Variants in OPCML observed in about 807,000 individuals in gnomAD.
OPCML encodes opioid binding protein/cell adhesion molecule like, also known as opioid-binding protein/cell adhesion molecule.
In OPCML, 13 loss-of-function variants were observed where a neutral mutation model predicts 37.8. The ratio of observed to expected loss-of-function variants is 0.34; its 90% CI spans 0.22 to 0.55. The LOEUF (loss-of-function observed/expected upper bound fraction) is 0.55. Among genes scored for constraint, OPCML ranks in the 20% least tolerant of loss-of-function variants. The probability of loss-of-function intolerance (pLI) is 0.91; values close to 1 mark genes in which losing one functional copy is unlikely to be tolerated. For synonymous variants in OPCML, 176 were observed against 168.8 expected (o/e 1.04, Z -0.33); for missense variants, 341 against 435.6 (o/e 0.78, Z 1.93).
chr11:133,252,846 C>A (rs945086750), intron 1 of OPCML, among the ~76,000 whole-genome samples: 1 of 152,134 alleles, frequency 6.6e-6, no homozygotes, highest in Non-Finnish European at 1.5e-5. Context: ...CCAGGTTCTA[C>A]TATAGAAATA....
chr11:132,650,096 T>A lies in OPCML; in HGVS notation c.379+6991A>T, dbSNP rs538352811. On this transcript the variant is annotated intron_variant, in intron 3 of 7. Transcript: ENST00000524381. ...TCCGCTTGACGTGGGTTGTGGAGGT[T>A]ACAAATGTTAGAGAAGAACTTGGAA... is the stretch of plus-strand genomic sequence containing the variant. Among the ~76,000 whole-genome samples the A allele has an allele frequency of 4.9e-4, 74 of 152,260 alleles. No homozygotes were observed. In the South Asian group the frequency reaches 0.015, roughly 32 times the overall value.
intron 1 of OPCML, among the ~76,000 whole-genome samples, chr11:133,350,353 A>T (rs1401860652): frequency 6.6e-6 from 1 of 152,202 alleles, no homozygotes; most frequent in African/African-American, 2.4e-5. Flanking sequence ...TCAACCATGT[A>T]TTTCAAGAAA....
chr11:133,113,894 T>C (rs7126139), intron 1 of OPCML, among the ~76,000 whole-genome samples: 4,081 of 152,288 alleles, frequency 0.027, 178 homozygotes, highest in African/African-American at 0.09. Context: ...GCATCGTCTC[T>C]TCCTGAGAGA....
At chr11:133,305,629 A>G (rs1592185163) in intron 1 of OPCML, among the ~76,000 whole-genome samples, 1 of 152,290 alleles carries the variant, frequency 6.6e-6, no homozygotes, top group South Asian at 2.1e-4. Context: ...TTCCTGATGT[A>G]TAGATTTACA....
At chr11:133,443,383 C>T (rs1387472016) in intron 1 of OPCML, among the ~76,000 whole-genome samples, 1 of 152,232 alleles carries the variant, frequency 6.6e-6, no homozygotes, top group East Asian at 1.9e-4. Flanking sequence ...GATTCCTTCT[C>T]ATTTTACCAA....
intron 3 of OPCML, among the ~76,000 whole-genome samples, chr11:132,635,172 C>T (rs1565731386): frequency 6.6e-6 from 1 of 152,168 alleles, no homozygotes; most frequent in East Asian, 1.9e-4. Flanking sequence ...GTCTTTCTCC[C>T]CTTAAAAATC....
chr11:132,965,364 CG>C lies in OPCML; in HGVS notation c.62-22355del, dbSNP rs1013704151. Among the ~76,000 whole-genome samples, 13 of 152,042 alleles carry C rather than the reference CG, an allele frequency of 8.6e-5. No homozygotes were observed. In the East Asian group the frequency reaches 1.2e-3, roughly 14 times the overall value. On this transcript the variant is annotated intron_variant, in intron 1 of 7. Transcript: ENST00000524381. ...CATTTGGTCTTAGGCTGTTTTGTGT[CG>C]GGGGGAGATGTTTAAATTACTAATT...
At chr11:133,024,243 G>A in intron 1 of OPCML, 5 of 581,282 alleles carry the variant, frequency 8.6e-6, no homozygotes, top group Non-Finnish European at 8.7e-6. Flanking sequence ...GGTTGGTGGG[G>A]GGCTGGGGTG....
At chr11:132,489,475 T>C (rs2096209422) in intron 4 of OPCML, among the ~76,000 whole-genome samples, 1 of 152,236 alleles carries the variant, frequency 6.6e-6, no homozygotes, top group Non-Finnish European at 1.5e-5. Context: ...TATTTTCTGC[T>C]GTATGTAATT....
chr11:132,835,829 A>G (rs1324459016), intron 2 of OPCML, among the ~76,000 whole-genome samples: 1 of 152,080 alleles, frequency 6.6e-6, no homozygotes. Context: ...ACCACTGTAG[A>G]CTAAATATCT....
rs75576093 is a variant in OPCML at position 133,146,828 on chromosome 11, A to G, written c.62-203818T>C. On this transcript the variant is annotated intron_variant, in intron 1 of 7. Transcript: ENST00000524381. ...CTCCCCCCAGCACAGGCCCAGTAAC[A>G]TGACAGGGCTAGAGCCCATGTTCAC... 6.8e-3 allele frequency among the ~76,000 whole-genome samples: 1,035 copies of G among 152,312 alleles called. 10 individuals carry two copies. The highest frequency in any genetic ancestry group is 0.024 in the African/African-American group (990 of 41,550).
chr11:132,576,797 C>A (rs1161452396), intron 3 of OPCML, among the ~76,000 whole-genome samples: 1 of 152,164 alleles, frequency 6.6e-6, no homozygotes, highest in African/African-American at 2.4e-5. Flanking sequence ...ATTCTACTAA[C>A]TCTTTCCCTC....
chr11:132,619,788 C>T (rs1330075363), intron 3 of OPCML, among the ~76,000 whole-genome samples: 2 of 145,540 alleles, frequency 1.4e-5, no homozygotes, highest in East Asian at 2.1e-4. Context: ...GGAGGCGGAG[C>T]TTGCAGCGAG....
intron 2 of OPCML, among the ~76,000 whole-genome samples, chr11:132,875,252 C>T (rs549016083): frequency 6.6e-6 from 1 of 152,122 alleles, no homozygotes; most frequent in African/African-American, 2.4e-5. Context: ...AGTAAAATAA[C>T]CTTGCACTTA....
At chr11:133,199,016 T>C (rs1399896149) in intron 1 of OPCML, among the ~76,000 whole-genome samples, 1 of 151,690 alleles carries the variant, frequency 6.6e-6, no homozygotes, top group Non-Finnish European at 1.5e-5. Context: ...AACAACATGA[T>C]GGATAAGAGA....
intron 3 of OPCML, among the ~76,000 whole-genome samples, chr11:132,563,036 A>C (rs1001276335): frequency 1.3e-5 from 2 of 152,180 alleles, no homozygotes; most frequent in Admixed American, 6.5e-5. Context: ...AGTAGTATAG[A>C]GAAAACATCT....
At position 133,204,892 on chromosome 11, in the gene OPCML, A is replaced by G. The variant is rs866274285; in HGVS notation, c.62-261882T>C. On this transcript the variant is annotated intron_variant, in intron 1 of 7. Coordinates refer to ENST00000524381, the MANE Select transcript of OPCML (RefSeq NM_001012393.5). ...TGTATATATATATATATATATATAT[A>G]TATATATATATATATATACATACAC... Among the ~76,000 whole-genome samples the G allele has an allele frequency of 6.8e-4, 94 of 137,324 alleles. 1 individual carries two copies. Among genetic ancestry groups the G allele is most frequent in the African/African-American group, 2.4e-3 (90 of 37,160 alleles). The allele number at this position is 137,324 out of a possible 152,430, so 90.1% of individuals were successfully genotyped here. A position where few individuals can be genotyped will look rare whatever the true frequency, so the allele number is the denominator to read the frequency against.
chr11:133,259,409 T>G (rs1462222858), intron 1 of OPCML, among the ~76,000 whole-genome samples: 1 of 152,190 alleles, frequency 6.6e-6, no homozygotes, highest in East Asian at 1.9e-4. Flanking sequence ...CTGGCTGAGT[T>G]AAGATTTGTA....
chr11:132,648,752 C>T (rs1429352456), intron 3 of OPCML, among the ~76,000 whole-genome samples: 1 of 152,136 alleles, frequency 6.6e-6, no homozygotes, highest in African/African-American at 2.4e-5. Flanking sequence ...AGGAGTTTCT[C>T]TGCCTTTTTC....
Sources: gnomAD v4.1 joint callset for allele counts (sites outside exome capture counted in the v4.1 genomes callset) on GRCh38, gnomAD v4.1.1 for gene constraint, MANE v1.5 for transcripts, NCBI Gene and HGNC (gene_info 2026-07-23, HGNC 2026-07-21) for gene names.